The following SOBP variants were observed in gnomAD, a reference collection of about 807,000 sequenced individuals.
SOBP encodes the protein sine oculis-binding protein homolog.
In SOBP, 4 loss-of-function variants were observed where a neutral mutation model predicts 53.6. The ratio of observed to expected loss-of-function variants is 0.07; its 90% CI spans 0.04 to 0.17. The LOEUF (loss-of-function observed/expected upper bound fraction) is 0.17, where lower values mean the gene tolerates loss of function less well. Among genes scored for constraint, SOBP ranks in the 10% least tolerant of loss-of-function variants. The probability of loss-of-function intolerance (pLI) is 1.00; values close to 1 mark genes in which losing one functional copy is unlikely to be tolerated. For synonymous variants in SOBP, 584 were observed against 522.6 expected, an observed-to-expected ratio of 1.12 and a Z score of -1.60; for missense variants, 1,088 against 1,204.7, an observed-to-expected ratio of 0.90 and a Z score of 1.43.
chr6:107,586,743 G>A (rs973331828), intron 4 of SOBP, among the ~76,000 whole-genome samples: 1 of 152,084 alleles, frequency 6.6e-6, no homozygotes, highest in Middle Eastern at 3.2e-3. Context: ...GTTTAAACAC[G>A]TATGTATGTC....
At chr6:107,498,340 T>C (rs985386269) in intron 1 of SOBP, among the ~76,000 whole-genome samples, 2 of 152,214 alleles carry the variant, frequency 1.3e-5, no homozygotes, top group Admixed American at 1.3e-4. Context: ...TGAAAACACA[T>C]TGGCATTCAG....
chr6:107,598,932 G>A (rs1289171054), intron 5 of SOBP, among the ~76,000 whole-genome samples: 2 of 152,186 alleles, frequency 1.3e-5, no homozygotes, highest in Non-Finnish European at 2.9e-5. Context: ...GGAAAAACAA[G>A]ATCAAAGTAG....
At chr6:107,506,530 G>T in intron 3 of SOBP, 103 bp downstream of exon 3, 1 of 1,282,970 alleles carries the variant, frequency 7.8e-7, no homozygotes, top group Non-Finnish European at 1.1e-6. Context: ...GGTAGAGGCT[G>T]TTTTAGGGAC....
chr6:107,567,206 T>C (rs1784943718), intron 4 of SOBP, among the ~76,000 whole-genome samples: 1 of 152,242 alleles, frequency 6.6e-6, no homozygotes, highest in South Asian at 2.1e-4. Context: ...AGAAAAGAAA[T>C]AGCAGGAAGC....
chr6:107,657,001 T>TG (rs60990034), intron 6 of SOBP, among the ~76,000 whole-genome samples: 5,938 of 152,318 alleles, frequency 0.039, 302 homozygotes, highest in East Asian at 0.14. Context: ...GGTGCTGTTT[T>TG]GGGGCATGGC....
intron 5 of SOBP, among the ~76,000 whole-genome samples, chr6:107,614,458 G>C (rs1786708444): frequency 6.6e-6 from 1 of 152,258 alleles, no homozygotes; most frequent in Non-Finnish European, 1.5e-5. Context: ...ACTGTTGCCA[G>C]GTTTATGAAG....
At chr6:107,619,720 A>C (rs558728771) in intron 5 of SOBP, among the ~76,000 whole-genome samples, 3 of 152,188 alleles carry the variant, frequency 2.0e-5, no homozygotes, top group African/African-American at 7.2e-5. Context: ...CTTCTATAAG[A>C]GGCATGTCCT....
At chr6:107,621,257 T>G (rs1223444022) in intron 5 of SOBP, 1 of 250,342 alleles carries the variant, frequency 4.0e-6, no homozygotes, top group Non-Finnish European at 6.3e-6. Flanking sequence ...TTGGCCTGGA[T>G]GAGGAGATTC....
chr6:107,622,420 C>T (rs1770219370), intron 5 of SOBP, among the ~76,000 whole-genome samples: 1 of 152,176 alleles, frequency 6.6e-6, no homozygotes, highest in Admixed American at 6.5e-5. Flanking sequence ...ATGATAAAGG[C>T]AGCTGGGATG....
chr6:107,587,037 A>T (rs1422242722), intron 4 of SOBP, 43 bp from the exon 5 acceptor site: 2 of 1,468,016 alleles, frequency 1.4e-6, no homozygotes, highest in African/African-American at 1.4e-5. Flanking sequence ...TTTTTCTTCC[A>T]TTATTTGTAA....
At chr6:107,576,892 T>C (rs571566038) in intron 4 of SOBP, among the ~76,000 whole-genome samples, 1 of 152,338 alleles carries the variant, frequency 6.6e-6, no homozygotes, top group South Asian at 2.1e-4. Context: ...TGCTGAGCTC[T>C]TGTCACAAAT....
In SOBP at chr6:107,490,443, C is replaced by T; in HGVS notation, c.-174C>T. On this transcript the variant is annotated 5_prime_UTR_variant, in exon 1 of 7. Transcript: ENST00000317357. Reference sequence around the variant, plus strand: ...TGACGTCCTCCGCCGCTAGAAGAGACCCCGCTTCTCGGCGCCTGCCCTCCC... The same window carrying T: ...TGACGTCCTCCGCCGCTAGAAGAGATCCCGCTTCTCGGCGCCTGCCCTCCC... 1.7e-6 allele frequency: 1 copy of T among 580,252 alleles called. No homozygotes were observed. Among genetic ancestry groups the T allele is most frequent in the Non-Finnish European group, 3.1e-6 (1 of 326,536 alleles). The allele number at this position is 580,252 out of a possible 1,614,324, so 35.9% of individuals were successfully genotyped here. A position where few individuals can be genotyped will look rare whatever the true frequency, so the allele number is the denominator to read the frequency against.
At chr6:107,525,457 C>T (rs1162940587) in intron 3 of SOBP, among the ~76,000 whole-genome samples, 5 of 152,074 alleles carry the variant, frequency 3.3e-5, no homozygotes, top group Admixed American at 2.0e-4. Flanking sequence ...CATTGGAGTA[C>T]GGGAGAATAA....
intron 5 of SOBP, among the ~76,000 whole-genome samples, chr6:107,602,689 G>GGGGTCTAT (rs1411014917): frequency 6.6e-6 from 1 of 152,056 alleles, no homozygotes; most frequent in Non-Finnish European, 1.5e-5. Context: ...GTTATGTGAA[G>GGGGTCTAT]GGGTCTATTC....
intron 5 of SOBP, among the ~76,000 whole-genome samples, chr6:107,631,938 C>G (rs1414130236): frequency 2.0e-5 from 3 of 152,176 alleles, no homozygotes; most frequent in Non-Finnish European, 2.9e-5. Context: ...TTTACACATA[C>G]AGACCCACAT....
chr6:107,513,191 T>C (rs1783220732), intron 3 of SOBP, among the ~76,000 whole-genome samples: 1 of 152,242 alleles, frequency 6.6e-6, no homozygotes, highest in Admixed American at 6.5e-5. Context: ...AAATGTCTTA[T>C]CTTTCTTTGA....
chr6:107,619,711 T>C (rs902484071), intron 5 of SOBP, among the ~76,000 whole-genome samples: 53 of 152,210 alleles, frequency 3.5e-4, no homozygotes, highest in African/African-American at 1.2e-3. Flanking sequence ...GTATGCAGGC[T>C]TCTATAAGAG....
At chr6:107,602,957 C>T (rs76206386) in intron 5 of SOBP, among the ~76,000 whole-genome samples, 1 of 137,368 alleles carries the variant, frequency 7.3e-6, no homozygotes, top group Non-Finnish European at 1.5e-5. Flanking sequence ...CTCCCCTTGC[C>T]TCCCCCGTCC....
intron 3 of SOBP, among the ~76,000 whole-genome samples, chr6:107,510,994 A>C (rs1783153585): frequency 6.6e-6 from 1 of 152,242 alleles, no homozygotes; most frequent in Non-Finnish European, 1.5e-5. Flanking sequence ...CCTTTCATTA[A>C]AATTTTTAGA....
Sources: allele counts gnomAD v4.1 joint callset (sites outside exome capture counted in the v4.1 genomes callset), GRCh38; gene constraint gnomAD v4.1.1; transcripts MANE v1.5; gene names NCBI Gene and HGNC (gene_info 2026-07-23, HGNC 2026-07-21).